Variants in SEMA5B observed in about 807,000 individuals in gnomAD.
The protein encoded by SEMA5B is semaphorin-5B.
SEMA5B carries 66 observed loss-of-function variants against 135.0 expected under a neutral mutation model. That is an observed-to-expected ratio of 0.49 (90% confidence interval 0.40 to 0.60). The LOEUF is 0.60. SEMA5B is among the 20% of genes least tolerant of loss of function. SEMA5B has a pLI of 0.00. For missense variants in SEMA5B, 1,501 were observed against 1,566.3 expected (o/e 0.96, Z 0.70); for synonymous variants, 690 against 639.5 (o/e 1.08, Z -1.19).
chr3:123,018,228 T>C (rs990959852), intron 1 of SEMA5B, among the ~76,000 whole-genome samples: 2 of 152,260 alleles, frequency 1.3e-5, no homozygotes, highest in African/African-American at 4.8e-5. Flanking sequence ...AACAGTTTAC[T>C]GTTTACCCAT....
chr3:122,955,653 G>T (rs978481982), intron 2 of SEMA5B, among the ~76,000 whole-genome samples: 5 of 152,184 alleles, frequency 3.3e-5, no homozygotes, highest in African/African-American at 1.2e-4. Flanking sequence ...AAAGCCCTGA[G>T]CTTGGGAGGC....
intron 1 of SEMA5B, among the ~76,000 whole-genome samples, chr3:122,993,940 G>T (rs56740873): frequency 0.082 from 12,423 of 151,444 alleles, 735 homozygotes; most frequent in African/African-American, 0.16. Context: ...TTGGTCATTG[G>T]CCCCCCCACC....
intron 2 of SEMA5B, 69 bp downstream of exon 2, chr3:122,961,071 G>A (rs558508133): frequency 2.0e-6 from 3 of 1,474,056 alleles, no homozygotes; most frequent in South Asian, 2.7e-5. Context: ...AGATGAGGGG[G>A]TCTTCTCCCT....
chr3:122,927,844 G>T lies in SEMA5B; in HGVS notation c.796C>A (p.Leu266Met). The stretch of plus-strand genomic sequence containing the variant: ...GTGCGAAGCGGTGGCCCACTGCCCA[G>T]GCTGCGGTAGATGGCAGGGTCCCGA... ...SGRDPAIYRS[L>M]GSGPPLRTAQ... The change falls in exon 8 of 23, where the codon CTG becomes ATG. Residue 266 changes from leucine (L) to methionine (M), a missense_variant. This residue lies in a region of SEMA5B where 574 missense variants were observed against 684.7 expected (regional missense o/e 0.84). Coordinates refer to ENST00000357599, the MANE Select transcript of SEMA5B (RefSeq NM_001031702.4). 1.3e-6 allele frequency: 2 copies of T among 1,582,226 alleles called. No homozygotes were observed. Among genetic ancestry groups the T allele is most frequent in the Non-Finnish European group, 1.7e-6 (2 of 1,162,954 alleles).
At position 122,913,318 on chromosome 3, in the gene SEMA5B, T is replaced by C; in HGVS notation, c.2387A>G (p.Gln796Arg). ...CGCGCGGCAGGTGAAGCGGAACCGCTGCTCCTGCCGTGCCCCGCCCTGCGT... is the reference window on the plus strand; with the variant it reads ...CGCGCGGCAGGTGAAGCGGAACCGCCGCTCCTGCCGTGCCCCGCCCTGCGT... Reference protein sequence around the residue: ...NVTQGGARQEQRFRFTCRAPL... With the variant: ...NVTQGGARQERRFRFTCRAPL... Residue 796 changes from glutamine (Q) to arginine (R), a missense_variant, in exon 17 of 23, where the codon CAG becomes CGG. Physicochemically the swap from Gln to Arg is conservative, Grantham distance 43 (BLOSUM62 1). Coordinates refer to ENST00000357599, the MANE Select transcript of SEMA5B (RefSeq NM_001031702.4). The C allele has an allele frequency of 2.5e-6, 4 of 1,571,194 alleles. No individual in the cohort carries two copies. In the South Asian group the frequency reaches 3.4e-5, roughly 13 times the overall value.
chr3:122,949,621 T>G (rs1004520112), intron 2 of SEMA5B, among the ~76,000 whole-genome samples: 4 of 152,256 alleles, frequency 2.6e-5, no homozygotes, highest in African/African-American at 4.8e-5. Flanking sequence ...AGCCACATTA[T>G]AAGACAGTAT....
intron 1 of SEMA5B, among the ~76,000 whole-genome samples, chr3:122,986,367 A>AT (rs1941694949): frequency 2.0e-5 from 3 of 152,372 alleles, no homozygotes; most frequent in African/African-American, 7.2e-5. Context: ...ATATACAACC[A>AT]TTTTTGACAT....
At chr3:122,923,980 G>T (rs1938501643) in intron 9 of SEMA5B, among the ~76,000 whole-genome samples, 2 of 151,978 alleles carry the variant, frequency 1.3e-5, no homozygotes, top group Non-Finnish European at 2.9e-5. Context: ...CTGTGCTACT[G>T]CCTCCCTCCC....
intron 20 of SEMA5B, 93 bp downstream of exon 20, chr3:122,911,827 G>T: frequency 7.1e-7 from 1 of 1,417,124 alleles, no homozygotes; most frequent in East Asian, 2.4e-5. Context: ...TGTGCCCCCT[G>T]CTCCCCACCA....
At chr3:123,009,548 T>C (rs2107788640) in intron 1 of SEMA5B, among the ~76,000 whole-genome samples, 1 of 152,160 alleles carries the variant, frequency 6.6e-6, no homozygotes, top group African/African-American at 2.4e-5. Flanking sequence ...TGTGTGTGTA[T>C]GAGAGTGAGA....
intron 1 of SEMA5B, among the ~76,000 whole-genome samples, chr3:123,014,940 C>A (rs1037529615): frequency 2.0e-5 from 3 of 152,060 alleles, no homozygotes; most frequent in African/African-American, 7.2e-5. Flanking sequence ...AGGGTGGGCC[C>A]CAACCCAATA....
intron 1 of SEMA5B, among the ~76,000 whole-genome samples, chr3:122,989,665 A>G (rs917038023): frequency 2.6e-5 from 4 of 152,224 alleles, no homozygotes; most frequent in Admixed American, 2.0e-4. Context: ...GGGCCATGAA[A>G]CTGCAAACCT....
At chr3:122,954,879 A>G (rs550005815) in intron 2 of SEMA5B, among the ~76,000 whole-genome samples, 314 of 150,412 alleles carry the variant, frequency 2.1e-3, no homozygotes, top group Non-Finnish European at 3.5e-3. Context: ...TGCAGCCTCA[A>G]CCTCCCAGGC....
chr3:123,001,336 A>G (rs1942170709), intron 1 of SEMA5B, among the ~76,000 whole-genome samples: 1 of 152,194 alleles, frequency 6.6e-6, no homozygotes, highest in African/African-American at 2.4e-5. Context: ...AGAGAAAAAG[A>G]GAAACAAGTC....
intron 2 of SEMA5B, among the ~76,000 whole-genome samples, chr3:122,958,549 T>TGG (rs1221614662): frequency 6.6e-6 from 1 of 152,152 alleles, no homozygotes; most frequent in Non-Finnish European, 1.5e-5. Context: ...TCACCACTTG[T>TGG]GGGGCCAAGC....
intron 1 of SEMA5B, among the ~76,000 whole-genome samples, chr3:122,991,111 A>C (rs1941862047): frequency 1.3e-5 from 2 of 152,162 alleles, no homozygotes; most frequent in Non-Finnish European, 2.9e-5. Context: ...CAGACTTCAC[A>C]CTGCACAGAT....
At chr3:123,018,081 C>T (rs1305693176) in intron 1 of SEMA5B, among the ~76,000 whole-genome samples, 19 of 152,154 alleles carry the variant, frequency 1.2e-4, no homozygotes, top group Admixed American at 1.2e-3. Flanking sequence ...AATTCCTGCT[C>T]TAAAGAAATC....
chr3:122,928,108 T>C, intron 7 of SEMA5B, 105 bp from the exon 8 acceptor site: 2 of 728,636 alleles, frequency 2.7e-6, no homozygotes, highest in Non-Finnish European at 4.2e-6. Flanking sequence ...TCTCTGGGCC[T>C]CTCCCCTCCT....
intron 1 of SEMA5B, among the ~76,000 whole-genome samples, chr3:122,985,037 T>C (rs1941652819): frequency 6.6e-6 from 1 of 152,234 alleles, no homozygotes; most frequent in Non-Finnish European, 1.5e-5. Flanking sequence ...AATTACACCA[T>C]AAGATTTTAA....
Sources: gnomAD v4.1 joint callset for allele counts (sites outside exome capture counted in the v4.1 genomes callset) on GRCh38, gnomAD v4.1.1 for gene constraint, gnomAD v4.1.1 regional missense constraint, MANE v1.5 for transcripts, NCBI Gene and HGNC (gene_info 2026-07-23, HGNC 2026-07-21) for gene names.